The following POLD3 variants were observed in gnomAD, a reference collection of about 807,000 sequenced individuals.
POLD3 encodes the protein DNA polymerase delta 3, accessory subunit, also known as DNA polymerase delta subunit 3.
A neutral mutation model predicts 58.2 loss-of-function variants in POLD3; 19 were observed. That is an observed-to-expected ratio of 0.33 (90% confidence interval 0.23 to 0.48). The LOEUF is 0.48. Ranked by LOEUF, POLD3 falls within the 20% of genes least tolerant of loss-of-function variation. The pLI, the probability that POLD3 is intolerant of heterozygous loss-of-function variation, is 0.99. For missense variants in POLD3, 504 were observed against 545.5 expected (o/e 0.92, Z 0.76); for synonymous variants, 172 against 193.5 (o/e 0.89, Z 0.92).
chr11:74,609,372 A>ATATATAT (rs2031821525), intron 3 of POLD3, among the ~76,000 whole-genome samples: 5 of 27,194 alleles, frequency 1.8e-4, no homozygotes, highest in African/African-American at 5.6e-4. Flanking sequence ...ATATATATAT[A>ATATATAT]TTTTTTTTTT....
At chr11:74,611,054 C>T (rs2031895423) in intron 3 of POLD3, among the ~76,000 whole-genome samples, 3 of 152,156 alleles carry the variant, frequency 2.0e-5, no homozygotes, top group East Asian at 1.9e-4. Flanking sequence ...GGATTACAGG[C>T]GTGACCCACC....
intron 3 of POLD3, among the ~76,000 whole-genome samples, chr11:74,607,796 G>GATCTT (rs2031748356): frequency 2.6e-5 from 4 of 151,794 alleles, no homozygotes; most frequent in African/African-American, 9.7e-5. Flanking sequence ...TGCCCAGGCT[G>GATCTT]GTCTTGAACT....
chr11:74,641,910 T>G lies in POLD3; in HGVS notation c.*1144T>G, dbSNP rs1444311050. 1.0e-6 allele frequency: 1 copy of G among 985,124 alleles called. No individual in the cohort carries two copies. The highest frequency in any genetic ancestry group is 1.7e-5 in the African/African-American group (1 of 57,230). 61.0% of individuals were successfully genotyped at this position (985,124 alleles called of 1,614,324 possible). On this transcript the variant is annotated 3_prime_UTR_variant, in exon 12 of 12. Coordinates refer to ENST00000263681, the MANE Select transcript of POLD3 (RefSeq NM_006591.3). Reference sequence around the variant, plus strand: ...AAAGAAAACATTTTTATTAGTTACTTATGGAAAATCATCTATTACAATGAT... The same window carrying G: ...AAAGAAAACATTTTTATTAGTTACTGATGGAAAATCATCTATTACAATGAT...
chr11:74,601,111 A>T (rs141883458), intron 2 of POLD3, among the ~76,000 whole-genome samples: 3 of 152,354 alleles, frequency 2.0e-5, no homozygotes, highest in African/African-American at 7.2e-5. Context: ...ACAAGTGCAT[A>T]GAGGACAATG....
rs972761294 is a variant in POLD3 at position 74,636,728 on chromosome 11, T to C, written c.1198+453T>C. Among the ~76,000 whole-genome samples, 3 of 152,194 alleles carry C rather than the reference T, an allele frequency of 2.0e-5. No homozygotes were observed. In the East Asian group the frequency reaches 5.8e-4, roughly 29 times the overall value. ...ACAGTGGAAAAGAAGCTACAGATGATTAGACTGTAATCAAGAGTCATCTTT... is the reference window on the plus strand; with the variant it reads ...ACAGTGGAAAAGAAGCTACAGATGACTAGACTGTAATCAAGAGTCATCTTT... On this transcript the variant is annotated intron_variant, in intron 11 of 11. Coordinates refer to ENST00000263681, the MANE Select transcript of POLD3 (RefSeq NM_006591.3).
intron 2 of POLD3, among the ~76,000 whole-genome samples, chr11:74,599,808 G>A (rs1484641262): frequency 5.3e-5 from 8 of 152,094 alleles, no homozygotes; most frequent in African/African-American, 1.9e-4. Context: ...AGAGAAAGCG[G>A]TATGGGCAAT....
At chr11:74,594,718 G>A (rs1263041721) in intron 2 of POLD3, among the ~76,000 whole-genome samples, 1 of 152,204 alleles carries the variant, frequency 6.6e-6, no homozygotes, top group Non-Finnish European at 1.5e-5. Context: ...TAAAGACGAG[G>A]TTTAATTGAC....
intron 4 of POLD3, chr11:74,668,653 T>G (rs1379129436): frequency 1.8e-6 from 1 of 563,654 alleles, no homozygotes; most frequent in Admixed American, 2.5e-5. Context: ...GCTGGGTGAG[T>G]AAGGGGTGGG....
intron 7 of POLD3, among the ~76,000 whole-genome samples, chr11:74,621,393 C>T (rs1278188446): frequency 6.7e-6 from 1 of 150,220 alleles, no homozygotes; most frequent in Non-Finnish European, 1.5e-5. Flanking sequence ...CCTGAAACCA[C>T]CGCCCCCGAC....
At chr11:74,636,338 A>G (rs1462886997) in intron 11 of POLD3, 63 bp downstream of exon 11, 11 of 1,538,050 alleles carry the variant, frequency 7.2e-6, no homozygotes, top group Non-Finnish European at 9.8e-6. Context: ...GAGGCACCAT[A>G]ATCCCTTTTA....
intron 4 of POLD3, among the ~76,000 whole-genome samples, chr11:74,658,708 A>AG (rs370222532): frequency 1.0e-3 from 156 of 152,350 alleles, no homozygotes; most frequent in Admixed American, 3.0e-3. Context: ...GTCAAATTTT[A>AG]AAGCTACAAA....
chr11:74,632,554 T>A (rs1417303524), intron 9 of POLD3, among the ~76,000 whole-genome samples: 1 of 152,190 alleles, frequency 6.6e-6, no homozygotes, highest in Non-Finnish European at 1.5e-5. Context: ...AAAAGTCAGA[T>A]AAAAATAGAA....
intron 2 of POLD3, among the ~76,000 whole-genome samples, chr11:74,601,792 G>T (rs960237604): frequency 1.3e-5 from 2 of 152,100 alleles, no homozygotes; most frequent in African/African-American, 4.8e-5. Flanking sequence ...TTAAAAAAAA[G>T]ATGTGCCCTG....
At position 74,592,704 on chromosome 11, in the gene POLD3, G is replaced by T; in HGVS notation, c.46G>T (p.Asp16Tyr). The T allele has an allele frequency of 1.9e-6, 3 of 1,614,062 alleles. No individual in the cohort carries two copies. Among genetic ancestry groups the T allele is most frequent in the Non-Finnish European group, 2.5e-6 (3 of 1,179,946 alleles). Reference sequence around the variant, plus strand: ...GGAAAATATAGACGAGTTCGTCACGGACCAAAACAAGATCGTGAGCAGCTA... The same window carrying T: ...GGAAAATATAGACGAGTTCGTCACGTACCAAAACAAGATCGTGAGCAGCTA... ...YLENIDEFVTDQNKIVTYKWL... is the reference protein window; with the variant it reads ...YLENIDEFVTYQNKIVTYKWL... The change falls in exon 1 of 12, where the codon GAC becomes TAC. Residue 16 changes from aspartate (D) to tyrosine (Y), a missense_variant. Physicochemically the swap from Asp to Tyr is radical, Grantham distance 160. Coordinates refer to ENST00000263681, the MANE Select transcript of POLD3 (RefSeq NM_006591.3).
downstream of POLD3, among the ~76,000 whole-genome samples, chr11:74,647,145 C>G (rs1000102554): frequency 1.3e-5 from 2 of 152,222 alleles, no homozygotes; most frequent in African/African-American, 4.8e-5. Flanking sequence ...CAGTAATGCT[C>G]TTTGCCCGCC....
chr11:74,613,758 C>G (rs527771404), intron 5 of POLD3, among the ~76,000 whole-genome samples: 2 of 152,288 alleles, frequency 1.3e-5, no homozygotes, highest in African/African-American at 4.8e-5. Flanking sequence ...ACATACCATA[C>G]AGTATAGAGT....
At chr11:74,627,802 A>G (rs1050260219) in intron 8 of POLD3, among the ~76,000 whole-genome samples, 4 of 152,142 alleles carry the variant, frequency 2.6e-5, no homozygotes, top group Admixed American at 1.3e-4. Context: ...TATACCATCT[A>G]GGTTTGTGTG....
At chr11:74,646,076 G>A (rs1005625475), downstream of POLD3, among the ~76,000 whole-genome samples, 4 of 151,996 alleles carry the variant, frequency 2.6e-5, no homozygotes, top group African/African-American at 9.7e-5. Context: ...AGGTTCAAGC[G>A]ATTCTCCTGC....
chr11:74,644,453 A>G (rs2032975732), downstream of POLD3, among the ~76,000 whole-genome samples: 1 of 152,174 alleles, frequency 6.6e-6, no homozygotes, highest in African/African-American at 2.4e-5. Flanking sequence ...TGCTGTCACC[A>G]TGCCCTCTCT....
Sources: allele counts gnomAD v4.1 joint callset (sites outside exome capture counted in the v4.1 genomes callset), GRCh38; gene constraint gnomAD v4.1.1; transcripts MANE v1.5; gene names NCBI Gene and HGNC (gene_info 2026-07-23, HGNC 2026-07-21).